The following PIH1D2 variants were observed in gnomAD, a reference collection of about 807,000 sequenced individuals.
The protein encoded by PIH1D2 is PIH1 domain-containing protein 2.
A neutral mutation model predicts 31.2 loss-of-function variants in PIH1D2; 25 were observed. The ratio of observed to expected loss-of-function variants is 0.80; its 90% CI spans 0.58 to 1.12. PIH1D2 has a LOEUF of 1.12. PIH1D2 is among the 50% of genes most tolerant of loss of function. PIH1D2 has a pLI of 0.00. For missense variants in PIH1D2, 310 were observed against 356.6 expected (o/e 0.87, Z 1.05); for synonymous variants, 116 against 119.9 (o/e 0.97, Z 0.21).
chr11:112,054,072 G>A, the PIH1D2 span, among the ~76,000 whole-genome samples: 1 of 151,752 alleles, frequency 6.6e-6, no homozygotes, highest in Non-Finnish European at 1.5e-5. Context: ...ACTTTGGGAG[G>A]CCAAGGCAGG....
downstream of PIH1D2, chr11:112,060,203 C>A: frequency 4.0e-6 from 3 of 758,614 alleles, no homozygotes; most frequent in African/African-American, 1.8e-5. Context: ...TCTCTGTCAC[C>A]CAGGCTGGAG....
At chr11:112,068,647 G>A (rs1668683754) in intron 5 of PIH1D2, among the ~76,000 whole-genome samples, 1 of 152,036 alleles carries the variant, frequency 6.6e-6, no homozygotes, top group Admixed American at 6.6e-5. Context: ...AGCCAGGCTT[G>A]GTGGCACATG....
chr11:112,071,571 C>T, intron 3 of PIH1D2, 64 bp downstream of exon 3: 1 of 1,535,404 alleles, frequency 6.5e-7, no homozygotes, highest in Non-Finnish European at 8.9e-7. Context: ...TGCTCTCAAC[C>T]AAGTAAGATC....
At chr11:112,052,630 C>A in the PIH1D2 span, among the ~76,000 whole-genome samples, 12 of 152,126 alleles carry the variant, frequency 7.9e-5, no homozygotes, top group African/African-American at 2.9e-4. Flanking sequence ...TCCAGCACTT[C>A]CACAGTTCAG....
chr11:112,064,964 C>T (rs1864867676), downstream of PIH1D2, among the ~76,000 whole-genome samples: 1 of 151,762 alleles, frequency 6.6e-6, no homozygotes, highest in Non-Finnish European at 1.5e-5. Context: ...CCTCAGTCTC[C>T]TGAGTAGCTG....
chr11:112,073,024 G>A lies in PIH1D2; in HGVS notation c.151C>T (p.Gln51Ter). The change falls in exon 2 of 6, where the codon CAG (glutamine) becomes TAG (stop). Residue 51 changes from glutamine (Q) to a stop codon, truncating the protein, a stop_gained. Coordinates refer to ENST00000280350, the MANE Select transcript of PIH1D2 (RefSeq NM_138789.4). LOFTEE classifies it high-confidence loss of function. Reference protein sequence around the residue: ...GKQLCAAPEPQLCLQTRILKP... With the variant: ...GKQLCAAPEP Reference sequence around the variant, plus strand: ...AGAATCCTGGTCTGTAGACAAAGCTGTGGTTCTGGGGCAGCACAGAGCTGT... The same window carrying A: ...AGAATCCTGGTCTGTAGACAAAGCTATGGTTCTGGGGCAGCACAGAGCTGT... 1.2e-6 allele frequency: 2 copies of A among 1,613,110 alleles called. No homozygotes were observed. Among genetic ancestry groups the A allele is most frequent in the Non-Finnish European group, 1.7e-6 (2 of 1,179,474 alleles).
At chr11:112,063,712 A>ATT (rs1331830376), downstream of PIH1D2, 2 of 152,504 alleles carry the variant, frequency 1.3e-5, no homozygotes, top group African/African-American at 4.8e-5. Flanking sequence ...TTGCTACTTT[A>ATT]TTTGCCTAAA....
downstream of PIH1D2, among the ~76,000 whole-genome samples, chr11:112,065,878 G>A (rs80315308): frequency 6.6e-6 from 1 of 152,174 alleles, no homozygotes; most frequent in African/African-American, 2.4e-5. Flanking sequence ...CTACTGGGGA[G>A]GCTGAGGCAG....
At position 112,071,279 on chromosome 11, in the gene PIH1D2, A is replaced by G. The variant is rs1555184596; in HGVS notation, c.306T>C (p.Ala102=). The change falls in exon 4 of 6, where the codon GCT becomes GCC. Residue 102 remains alanine (A), a synonymous_variant. Coordinates refer to ENST00000280350, the MANE Select transcript of PIH1D2 (RefSeq NM_138789.4). ...KPEDTTEISD[A]YTVIDVAYNP... ...TGTAGGCAACATCAATGACTGTGTA[A>G]GCATCTGTGTGTGTAATTGAAAGGG... 6.2e-7 allele frequency: 1 copy of G among 1,610,402 alleles called. No individual in the cohort carries two copies. The highest frequency in any genetic ancestry group is 1.3e-5 in the African/African-American group (1 of 74,890).
chr11:112,056,204 G>A, the PIH1D2 span, among the ~76,000 whole-genome samples: 2 of 151,938 alleles, frequency 1.3e-5, no homozygotes, highest in Admixed American at 6.6e-5. Flanking sequence ...GCCATTTTAC[G>A]TATCATAAAA....
At chr11:112,053,634 T>C in the PIH1D2 span, among the ~76,000 whole-genome samples, 2 of 152,076 alleles carry the variant, frequency 1.3e-5, no homozygotes, top group Non-Finnish European at 2.9e-5. Context: ...TTTGTAGTTT[T>C]AGTAGATATG....
downstream of PIH1D2, chr11:112,064,130 G>A (rs184244244): frequency 4.3e-3 from 6,301 of 1,467,454 alleles, 23 homozygotes; most frequent in Non-Finnish European, 5.4e-3. Flanking sequence ...TTATCACAAG[G>A]GACCATCATC....
the PIH1D2 span, among the ~76,000 whole-genome samples, chr11:112,057,441 A>G: frequency 2.0e-5 from 3 of 152,246 alleles, no homozygotes; most frequent in Non-Finnish European, 4.4e-5. Flanking sequence ...CCAACTTGTG[A>G]ATACAAAGAA....
At position 112,071,038 on chromosome 11, in the gene PIH1D2, C is replaced by T. The variant is rs1054996721; in HGVS notation, c.547G>A (p.Glu183Lys). The T allele has an allele frequency of 6.2e-7, 1 of 1,611,392 alleles. No homozygotes were observed. The highest frequency in any genetic ancestry group is 8.5e-7 in the Non-Finnish European group (1 of 1,179,262). Residue 183 changes from glutamate to lysine, a missense_variant and splice_region_variant, in exon 4 of 6, where the codon GAA (glutamate) becomes AAA (lysine). Glu to Lys is a moderately conservative substitution (Grantham distance 56). Coordinates refer to ENST00000280350, the MANE Select transcript of PIH1D2 (RefSeq NM_138789.4). ...SIDLREKMRRELTLGQIRSST... is the reference protein window; with the variant it reads ...SIDLREKMRRKLTLGQIRSST... ...TTTCCATTTACAATCATCAACTTAC[C>T]CCTTCTCATTTTTTCTCTTAAATCT...
chr11:112,071,069 A>G lies in PIH1D2; in HGVS notation c.516T>C (p.Asp172=). ...TCATTTTTTCTCTTAAATCTATGGA[A>G]TCAGTTTGGATTCCCATCAGATTTT... ...MKQNLMGIQT[D]SIDLREKMRR... is the part of the protein sequence containing the mutation. The change falls in exon 4 of 6, where the codon GAT becomes GAC. Residue 172 remains aspartate (D), a synonymous_variant. Transcript: ENST00000280350. 6.2e-7 allele frequency: 1 copy of G among 1,613,376 alleles called. No homozygotes were observed.
chr11:112,061,017 T>G (rs587762053), downstream of PIH1D2: 11 of 1,544,504 alleles, frequency 7.1e-6, no homozygotes, highest in African/African-American at 1.4e-5. Flanking sequence ...TATAATTTAT[T>G]TTTAATTTTT....
intron 5 of PIH1D2, among the ~76,000 whole-genome samples, chr11:112,068,971 G>T (rs1027056061): frequency 7.0e-6 from 1 of 142,550 alleles, no homozygotes; most frequent in Non-Finnish European, 1.5e-5. Context: ...TAAAACCTCT[G>T]AATTTTTTTT....
chr11:112,062,656 TC>T, downstream of PIH1D2: 1 of 1,182,336 alleles, frequency 8.5e-7, no homozygotes, highest in Non-Finnish European at 1.2e-6. Flanking sequence ...ATTGAGTCTG[TC>T]CAGATAAGTT....
intron 2 of PIH1D2, 90 bp from the exon 3 acceptor site, chr11:112,071,848 T>G: frequency 6.9e-7 from 1 of 1,445,960 alleles, no homozygotes; most frequent in Non-Finnish European, 9.5e-7. Flanking sequence ...ATCCGAGCAC[T>G]TTGGGGGTCC....
Sources: gnomAD v4.1 joint callset for allele counts (sites outside exome capture counted in the v4.1 genomes callset) on GRCh38, gnomAD v4.1.1 for gene constraint, MANE v1.5 for transcripts, NCBI Gene and HGNC (gene_info 2026-07-23, HGNC 2026-07-21) for gene names.